The following CHMP1A variants were observed in gnomAD, a reference collection of about 807,000 sequenced individuals.
The protein encoded by CHMP1A is VPS46 homolog A.
A neutral mutation model predicts 27.0 loss-of-function variants in CHMP1A; 17 were observed. The ratio of observed to expected loss-of-function variants is 0.63; its 90% CI spans 0.43 to 0.95. The LOEUF is 0.95. Among genes scored for constraint, CHMP1A ranks in the 40% least tolerant of loss-of-function variants. CHMP1A has a pLI of 0.00. For missense variants in CHMP1A, 275 were observed against 264.0 expected (o/e 1.04, Z -0.29); for synonymous variants, 131 against 107.5 (o/e 1.22, Z -1.35).
chr16:89,656,199 C>G (rs1268646870), intron 1 of CHMP1A, among the ~76,000 whole-genome samples: 1 of 152,190 alleles, frequency 6.6e-6, no homozygotes, highest in South Asian at 2.1e-4. Context: ...TGAAGTGGCG[C>G]GATCTCGGCT....
At chr16:89,647,157 C>A in intron 5 of CHMP1A, 46 bp downstream of exon 5, 1 of 1,597,282 alleles carries the variant, frequency 6.3e-7, no homozygotes, top group Non-Finnish European at 8.5e-7. Flanking sequence ...TGCCCACACA[C>A]GCTCCTTGTC....
At chr16:89,652,419 G>GCCA (rs1283072421) in intron 2 of CHMP1A, among the ~76,000 whole-genome samples, 2 of 150,988 alleles carry the variant, frequency 1.3e-5, no homozygotes, top group Admixed American at 6.6e-5. Flanking sequence ...GGTAGCCCTG[G>GCCA]CCACCAGCAC....
At chr16:89,647,496 C>A (rs2059784495) in intron 4 of CHMP1A, among the ~76,000 whole-genome samples, 165 bp from the exon 5 acceptor site, 1 of 152,232 alleles carries the variant, frequency 6.6e-6, no homozygotes, top group Admixed American at 6.5e-5. Flanking sequence ...ATGGAAAGAC[C>A]ACCAACTCGA....
At chr16:89,650,117 C>T (rs375591798) in intron 3 of CHMP1A, among the ~76,000 whole-genome samples, 10 of 152,330 alleles carry the variant, frequency 6.6e-5, no homozygotes, top group African/African-American at 2.4e-4. Flanking sequence ...AAGTCCAATA[C>T]GCTGGGACCT....
intron 5 of CHMP1A, 99 bp downstream of exon 5, chr16:89,647,104 C>T (rs2059780440): frequency 5.8e-6 from 9 of 1,542,312 alleles, no homozygotes; most frequent in South Asian, 4.8e-5. Flanking sequence ...CACAGGTATG[C>T]AGAGACAGCA....
At chr16:89,652,713 C>T (rs1318287743) in intron 2 of CHMP1A, among the ~76,000 whole-genome samples, 1 of 152,236 alleles carries the variant, frequency 6.6e-6, no homozygotes, top group Non-Finnish European at 1.5e-5. Flanking sequence ...CTGTGCCCAA[C>T]AGCAACTGAC....
Position 89,657,672 on chromosome 16 carries a change from GACCAAGCTGC to G in CHMP1A, c.-94_-85del. Reference sequence around the variant, plus strand: ...GTCAGGTCCCGGCGGCGATCGAACCGACCAAGCTGCACCCGGCGGGGACTTCCGGGGTCGC... The same window carrying G: ...GTCAGGTCCCGGCGGCGATCGAACCGACCCGGCGGGGACTTCCGGGGTCGC... On this transcript the variant is annotated 5_prime_UTR_variant, in exon 1 of 7. Transcript: ENST00000397901. 1 of 1,564,532 alleles carries G rather than the reference GACCAAGCTGC, an allele frequency of 6.4e-7. No individual in the cohort carries two copies. The highest frequency in any genetic ancestry group is 8.7e-7 in the Non-Finnish European group (1 of 1,145,200).
At chr16:89,655,394 AC>A (rs2059856778) in intron 1 of CHMP1A, among the ~76,000 whole-genome samples, 6 of 148,474 alleles carry the variant, frequency 4.0e-5, no homozygotes, top group Admixed American at 3.4e-4. Flanking sequence ...GCTTTCCCTC[AC>A]CTCAGCTTTC....
At chr16:89,656,407 G>T (rs995823071) in intron 1 of CHMP1A, among the ~76,000 whole-genome samples, 1 of 151,220 alleles carries the variant, frequency 6.6e-6, no homozygotes, top group Non-Finnish European at 1.5e-5. Context: ...AAAGTGCTGG[G>T]ATTACAGGCG....
At chr16:89,656,379 C>T (rs1319161989) in intron 1 of CHMP1A, among the ~76,000 whole-genome samples, 5 of 151,956 alleles carry the variant, frequency 3.3e-5, no homozygotes, top group Admixed American at 6.6e-5. Context: ...CCTTGCGATC[C>T]GCCGGCCTCG....
intron 1 of CHMP1A, 76 bp downstream of exon 1, chr16:89,657,505 TG>T (rs1046421075): frequency 2.4e-5 from 37 of 1,559,690 alleles, no homozygotes; most frequent in Non-Finnish European, 3.1e-5. Context: ...CGGCCCCAGG[TG>T]GGCGGAGCCC....
chr16:89,651,649 G>C lies in CHMP1A; in HGVS notation c.28-3C>G. The stretch of plus-strand genomic sequence containing the variant: ...TTCTCCAGCTGCTTCGCCGTGAACT[G>C]AGCGGAAGCCGGAATGTCCTGGGTC... On this transcript the variant is annotated splice_region_variant and splice_polypyrimidine_tract_variant and intron_variant, in intron 2 of 6. Transcript: ENST00000397901. 1 of 1,613,464 alleles carries C rather than the reference G, an allele frequency of 6.2e-7. No individual in the cohort carries two copies. The highest frequency in any genetic ancestry group is 8.5e-7 in the Non-Finnish European group (1 of 1,179,788).
chr16:89,654,503 G>A (rs2059848859), intron 1 of CHMP1A, among the ~76,000 whole-genome samples: 1 of 152,110 alleles, frequency 6.6e-6, no homozygotes, highest in South Asian at 2.1e-4. Context: ...GTAACTCTTA[G>A]ACATCAAAGA....
At chr16:89,652,997 G>A (rs986895299) in intron 2 of CHMP1A, among the ~76,000 whole-genome samples, 3 of 146,318 alleles carry the variant, frequency 2.1e-5, no homozygotes, top group African/African-American at 7.5e-5. Flanking sequence ...TAATGCCCAA[G>A]TTGTCTTTTT....
Position 89,647,237 on chromosome 16 carries a change from T to C in CHMP1A, c.347A>G (p.Glu116Gly). The C allele has an allele frequency of 5.0e-6, 8 of 1,609,498 alleles. No homozygotes were observed. Among genetic ancestry groups the C allele is most frequent in the Non-Finnish European group, 5.9e-6 (7 of 1,178,326 alleles). Reference sequence around the variant, plus strand: ...GACGTCCAGGTTCTGCACCTGCTGCTCGAACCTGTCCATCACTGAGGAGAC... The same window carrying C: ...GACGTCCAGGTTCTGCACCTGCTGCCCGAACCTGTCCATCACTGAGGAGAC... The part of the protein sequence containing the change: ...QKVSSVMDRF[E>G]QQVQNLDVHT... The change falls in exon 5 of 7, where the codon GAG becomes GGG. Residue 116 changes from glutamate (E) to glycine (G), a missense_variant. Coordinates refer to ENST00000397901, the MANE Select transcript of CHMP1A (RefSeq NM_002768.5).
At chr16:89,656,851 G>A (rs962361789) in intron 1 of CHMP1A, among the ~76,000 whole-genome samples, 5 of 152,090 alleles carry the variant, frequency 3.3e-5, no homozygotes, top group Non-Finnish European at 7.4e-5. Context: ...TGGCGGGAAA[G>A]GGCGCCTGAC....
Position 89,648,439 on chromosome 16 carries a change from G to A in CHMP1A, c.252+912C>T, listed in dbSNP as rs569161161. 1.4e-4 allele frequency among the ~76,000 whole-genome samples: 21 copies of A among 151,702 alleles called. 4 individuals carry two copies. Among genetic ancestry groups the A allele is most frequent in the Middle Eastern group, 6.9e-3 (2 of 288 alleles). ...CGGGGTCGGTGGAGAAAAGGCCGCC[G>A]ACGTGGGGTCTCCAGGACTGCTGTG... On this transcript the variant is annotated intron_variant, in intron 4 of 6. Transcript: ENST00000397901.
chr16:89,655,186 G>A (rs770767727), intron 1 of CHMP1A, among the ~76,000 whole-genome samples: 5 of 152,166 alleles, frequency 3.3e-5, no homozygotes, highest in Non-Finnish European at 7.3e-5. Context: ...TCTATCGCCT[G>A]TCAGTGCAGG....
At position 89,647,301 on chromosome 16, in the gene CHMP1A, C is replaced by T; in HGVS notation, c.283G>A (p.Ala95Thr). 1 of 1,611,344 alleles carries T rather than the reference C, an allele frequency of 6.2e-7. No homozygotes were observed. Among genetic ancestry groups the T allele is most frequent in the Non-Finnish European group, 8.5e-7 (1 of 1,178,306 alleles). The change falls in exon 5 of 7, where the codon GCC becomes ACC. Residue 95 changes from alanine to threonine, a missense_variant. Coordinates refer to ENST00000397901, the MANE Select transcript of CHMP1A (RefSeq NM_002768.5). ...ATGGTGCTCAGGGCCTTGTCCAGGG[C>T]TTTGGTCACCTGGGCCATATTCTTG... ...VTKNMAQVTK[A>T]LDKALSTMDL... is the part of the protein sequence containing the mutation.
Sources: gnomAD v4.1 joint callset for allele counts (sites outside exome capture counted in the v4.1 genomes callset) on GRCh38, gnomAD v4.1.1 for gene constraint, MANE v1.5 for transcripts, NCBI Gene and HGNC (gene_info 2026-07-23, HGNC 2026-07-21) for gene names.